The following GPC5 variants were observed in gnomAD, a reference collection of about 807,000 sequenced individuals.
The protein encoded by GPC5 is glypican 5.
A neutral mutation model predicts 53.9 loss-of-function variants in GPC5; 47 were observed. The ratio of observed to expected loss-of-function variants is 0.87; its 90% CI spans 0.69 to 1.11. The LOEUF is 1.11. Among genes scored for constraint, GPC5 ranks in the 50% most tolerant of loss-of-function variants. The probability of loss-of-function intolerance (pLI) is 0.00; values close to 1 mark genes in which losing one functional copy is unlikely to be tolerated. For synonymous variants in GPC5, 286 were observed against 263.3 expected (o/e 1.09, Z -0.84); for missense variants, 748 against 713.1 (o/e 1.05, Z -0.56).
chr13:92,392,283 G>A (rs971182910), intron 7 of GPC5, among the ~76,000 whole-genome samples: 1 of 152,074 alleles, frequency 6.6e-6, no homozygotes, highest in African/African-American at 2.4e-5. Context: ...ATATAATGCT[G>A]TTTTCTAAGC....
At chr13:92,602,159 T>C (rs867331295) in intron 7 of GPC5, among the ~76,000 whole-genome samples, 4 of 145,184 alleles carry the variant, frequency 2.8e-5, no homozygotes, top group Non-Finnish European at 4.5e-5. Flanking sequence ...ATATACACAC[T>C]ATATACAAAT....
At chr13:91,920,120 G>C (rs1271343865) in intron 6 of GPC5, among the ~76,000 whole-genome samples, 1 of 151,678 alleles carries the variant, frequency 6.6e-6, no homozygotes, top group Non-Finnish European at 1.5e-5. Flanking sequence ...AAATGCAAAG[G>C]GAAAAAAGAA....
At chr13:92,304,043 G>A (rs1291070859) in intron 7 of GPC5, among the ~76,000 whole-genome samples, 1 of 152,018 alleles carries the variant, frequency 6.6e-6, no homozygotes, top group Non-Finnish European at 1.5e-5. Context: ...TTACTGTTGA[G>A]GTATAGTGGA....
chr13:91,433,173 A>G (rs1879630523), intron 1 of GPC5, among the ~76,000 whole-genome samples: 1 of 150,648 alleles, frequency 6.6e-6, no homozygotes, highest in Non-Finnish European at 1.5e-5. Flanking sequence ...TTTTTCTCCT[A>G]CTCCATTGAC....
intron 2 of GPC5, among the ~76,000 whole-genome samples, chr13:91,547,860 A>G (rs1468910081): frequency 6.6e-6 from 1 of 152,190 alleles, no homozygotes; most frequent in Non-Finnish European, 1.5e-5. Context: ...GCTAAAAAAC[A>G]AAAATCATAT....
intron 7 of GPC5, among the ~76,000 whole-genome samples, chr13:92,589,931 C>T (rs77867525): frequency 2.2e-3 from 334 of 152,262 alleles, no homozygotes; most frequent in African/African-American, 7.1e-3. Flanking sequence ...GCTTGTTGTT[C>T]GGGCTGTGTG....
At chr13:92,144,118 A>G (rs1047393072) in intron 6 of GPC5, among the ~76,000 whole-genome samples, 4 of 152,156 alleles carry the variant, frequency 2.6e-5, no homozygotes, top group Non-Finnish European at 5.9e-5. Flanking sequence ...GAAATTTCCA[A>G]TGTTGTTCAA....
intron 7 of GPC5, among the ~76,000 whole-genome samples, chr13:92,813,641 G>C (rs936392903): frequency 6.6e-6 from 1 of 151,964 alleles, no homozygotes; most frequent in South Asian, 2.1e-4. Context: ...AATACTTTTA[G>C]TCAAAACTTT....
intron 1 of GPC5, among the ~76,000 whole-genome samples, chr13:91,427,401 T>C (rs1485772010): frequency 6.6e-6 from 1 of 152,176 alleles, no homozygotes; most frequent in Admixed American, 6.5e-5. Flanking sequence ...ATGTGAGACA[T>C]GGAGTCAAAT....
rs573366848 is a variant in GPC5, at chr13:92,210,802, G to A, written c.1561+65813G>A. On this transcript the variant is annotated intron_variant, in intron 7 of 7. Transcript: ENST00000377067. Reference sequence around the variant, plus strand: ...TATTCCTCTTGACTATAGTAAGTCTGGTTTCTCAAGTCAGAAATGAAAATG... The same window carrying A: ...TATTCCTCTTGACTATAGTAAGTCTAGTTTCTCAAGTCAGAAATGAAAATG... Among the ~76,000 whole-genome samples the A allele has an allele frequency of 2.0e-5, 3 of 152,248 alleles. No individual in the cohort carries two copies. In the East Asian group the frequency reaches 5.8e-4, roughly 29 times the overall value.
At chr13:92,145,707 T>G (rs949334756) in intron 7 of GPC5, among the ~76,000 whole-genome samples, 4 of 152,152 alleles carry the variant, frequency 2.6e-5, no homozygotes, top group Non-Finnish European at 5.9e-5. Context: ...AGTGACCAAC[T>G]GAGAAATAAT....
At chr13:92,398,039 G>C (rs1875365858) in intron 7 of GPC5, among the ~76,000 whole-genome samples, 3 of 152,044 alleles carry the variant, frequency 2.0e-5, no homozygotes, top group South Asian at 2.1e-4. Context: ...TAAATTGCAG[G>C]CTGTGTCTGG....
intron 4 of GPC5, among the ~76,000 whole-genome samples, chr13:91,750,091 G>A (rs1401278487): frequency 1.3e-5 from 2 of 152,158 alleles, no homozygotes; most frequent in African/African-American, 2.4e-5. Context: ...GATTGCAGGC[G>A]TGACCCACCA....
At chr13:91,877,939 A>C (rs559247069) in intron 5 of GPC5, among the ~76,000 whole-genome samples, 3 of 152,230 alleles carry the variant, frequency 2.0e-5, no homozygotes, top group Admixed American at 2.0e-4. Flanking sequence ...AATTAGTCTC[A>C]TGAGATTTGA....
intron 6 of GPC5, among the ~76,000 whole-genome samples, chr13:92,116,713 C>G (rs1211663409): frequency 6.6e-6 from 1 of 152,180 alleles, no homozygotes; most frequent in Non-Finnish European, 1.5e-5. Context: ...GCATTCACAT[C>G]TGTACTTGGT....
At chr13:92,323,600 A>G (rs938663659) in intron 7 of GPC5, among the ~76,000 whole-genome samples, 6 of 151,798 alleles carry the variant, frequency 4.0e-5, no homozygotes, top group Non-Finnish European at 7.4e-5. Flanking sequence ...TTACTTATAT[A>G]GTGGATCTCT....
intron 2 of GPC5, among the ~76,000 whole-genome samples, chr13:91,586,512 A>G (rs761887478): frequency 1.9e-4 from 2 of 10,268 alleles, no homozygotes; most frequent in African/African-American, 1.2e-3. Context: ...ATATATATAT[A>G]TATATATATA....
intron 7 of GPC5, among the ~76,000 whole-genome samples, chr13:92,245,412 C>T (rs1210767566): frequency 1.3e-5 from 2 of 152,132 alleles, no homozygotes; most frequent in African/African-American, 4.8e-5. Context: ...CATCCACATA[C>T]TTTTCTAAGA....
intron 6 of GPC5, among the ~76,000 whole-genome samples, chr13:91,972,795 C>T (rs970858100): frequency 8.5e-5 from 13 of 152,258 alleles, no homozygotes; most frequent in African/African-American, 2.6e-4. Context: ...AATATTGGCC[C>T]CCACTCTCTT....
Sources: allele counts gnomAD v4.1 joint callset (sites outside exome capture counted in the v4.1 genomes callset), GRCh38; gene constraint gnomAD v4.1.1; transcripts MANE v1.5; gene names NCBI Gene and HGNC (gene_info 2026-07-23, HGNC 2026-07-21).